The following XIRP2 variants were observed in gnomAD, a reference collection of about 807,000 sequenced individuals.
XIRP2 encodes xin actin binding repeat containing 2.
Under a neutral mutation model 277.0 loss-of-function variants are expected in XIRP2, and 236 were observed. That is an observed-to-expected ratio of 0.85 (90% CI 0.77 to 0.95). XIRP2 has a LOEUF of 0.95. Among genes scored for constraint, XIRP2 ranks in the 40% least tolerant of loss-of-function variants. XIRP2 has a pLI of 0.00. For missense variants in XIRP2, 4,640 were observed against 4,157.5 expected, an observed-to-expected ratio of 1.12 and a Z score of -3.19; for synonymous variants, 1,490 against 1,416.5, an observed-to-expected ratio of 1.05 and a Z score of -1.17.
chr2:167,032,335 C>T lies in XIRP2; in HGVS notation c.409-103574C>T, dbSNP rs371198706. On this transcript the variant is annotated intron_variant, in intron 2 of 10. Coordinates refer to ENST00000409195, the MANE Select transcript of XIRP2 (RefSeq NM_152381.6). ...AAAGACTTAAACATAAGACCTAAAA[C>T]CATAAAAACCCTAGAAGAAAACCTA... Among the ~76,000 whole-genome samples, 134 of 152,200 alleles carry T rather than the reference C, an allele frequency of 8.8e-4. 8 individuals carry two copies. The South Asian group carries it at 0.028, about 32-fold the overall frequency.
chr2:166,996,964 C>A (rs569327119), intron 2 of XIRP2, among the ~76,000 whole-genome samples: 111 of 152,228 alleles, frequency 7.3e-4, no homozygotes, highest in African/African-American at 2.6e-3. Flanking sequence ...AACATTTACA[C>A]CTTAATAAAG....
chr2:167,150,800 A>C (rs537814103), intron 3 of XIRP2, among the ~76,000 whole-genome samples: 1 of 152,208 alleles, frequency 6.6e-6, no homozygotes, highest in South Asian at 2.1e-4. Context: ...AGAATTGTTA[A>C]GCTGTAAAAA....
chr2:167,250,039 C>T lies in XIRP2; in HGVS notation c.8647C>T (p.His2883Tyr), dbSNP rs764084802. 1.9e-6 allele frequency: 3 copies of T among 1,613,484 alleles called. No individual in the cohort carries two copies. The highest frequency in any genetic ancestry group is 2.5e-6 in the Non-Finnish European group (3 of 1,179,674). ...ACAGACCGCTGAAAGTAAAGCTGAA[C>T]ATAAAAAATTGCCCCAGCCATATAA... ...QIQTAESKAEHKKLPQPYNSL... is the reference protein window; with the variant it reads ...QIQTAESKAEYKKLPQPYNSL... The change falls in exon 9 of 11, where the codon CAT becomes TAT. Residue 2883 changes from histidine (H) to tyrosine (Y), a missense_variant. Transcript: ENST00000409195.
At chr2:167,125,315 A>C (rs987119260) in intron 2 of XIRP2, among the ~76,000 whole-genome samples, 1 of 152,204 alleles carries the variant, frequency 6.6e-6, no homozygotes, top group Non-Finnish European at 1.5e-5. Context: ...TAGGATACGT[A>C]GCTGTAAAGG....
In XIRP2 at chr2:166,998,748, A is replaced by G. The variant is rs1036441812; in HGVS notation, c.408+94858A>G. On this transcript the variant is annotated intron_variant, in intron 2 of 10. Transcript: ENST00000409195. ...AGAAACTGCCAACTAACCTTTGACT[A>G]GTGACTTTCCACTTTAACCAATCAA... is the stretch of plus-strand genomic sequence containing the variant. Among the ~76,000 whole-genome samples the G allele has an allele frequency of 1.1e-4, 16 of 152,178 alleles. 1 individual carries two copies. The highest frequency in any genetic ancestry group is 3.9e-4 in the African/African-American group (16 of 41,440).
intron 3 of XIRP2, among the ~76,000 whole-genome samples, chr2:167,201,555 T>C (rs945410401): frequency 1.3e-5 from 2 of 152,174 alleles, no homozygotes; most frequent in Non-Finnish European, 2.9e-5. Context: ...TATTCCCTTC[T>C]CTGTTCAACT....
In XIRP2 at chr2:166,924,365, T is replaced by C. The variant is rs1685130590; in HGVS notation, c.408+20475T>C. Reference sequence around the variant, plus strand: ...TTAGCACTCTGTGATACTGAGACAATGTGTCCCTTTTGAGGTTTTGCCTTT... The same window carrying C: ...TTAGCACTCTGTGATACTGAGACAACGTGTCCCTTTTGAGGTTTTGCCTTT... On this transcript the variant is annotated intron_variant, in intron 2 of 10. Coordinates refer to ENST00000409195, the MANE Select transcript of XIRP2 (RefSeq NM_152381.6). Among the ~76,000 whole-genome samples, 4 of 152,162 alleles carry C rather than the reference T, an allele frequency of 2.6e-5. No homozygotes were observed. The East Asian group carries it at 5.8e-4, about 22-fold the overall frequency.
chr2:167,118,991 A>AGT (rs1182107532), intron 2 of XIRP2, among the ~76,000 whole-genome samples: 1 of 152,166 alleles, frequency 6.6e-6, no homozygotes, highest in African/African-American at 2.4e-5. Context: ...AAGAGCCTAG[A>AGT]GTGTTAAATG....
intron 3 of XIRP2, among the ~76,000 whole-genome samples, chr2:167,150,796 G>C (rs1324924293): frequency 6.6e-6 from 1 of 151,956 alleles, no homozygotes; most frequent in Non-Finnish European, 1.5e-5. Context: ...CTTAAGAATT[G>C]TTAAGCTGTA....
chr2:167,075,373 T>C (rs773213289), intron 2 of XIRP2, among the ~76,000 whole-genome samples: 21 of 152,190 alleles, frequency 1.4e-4, no homozygotes, highest in Non-Finnish European at 2.8e-4. Flanking sequence ...CAAAGGAAAA[T>C]GGGGTCGCCA....
At chr2:167,052,581 G>A (rs1037737855) in intron 2 of XIRP2, among the ~76,000 whole-genome samples, 7 of 151,964 alleles carry the variant, frequency 4.6e-5, no homozygotes, top group African/African-American at 1.4e-4. Context: ...TTCTTCCATC[G>A]ATCTACATAA....
chr2:167,247,530 A>G lies in XIRP2; in HGVS notation c.6138A>G (p.Leu2046=), dbSNP rs1559041870. Residue 2046 remains leucine (L), a synonymous_variant, in exon 9 of 11, where the codon CTA becomes CTG. Transcript: ENST00000409195. ...NDALEKSLRR[L]SNSHHKSNVL... ...CTCTGGAGAAAAGCCTTAGAAGACT[A>G]TCTAATTCACACCATAAATCTAATG... 1 of 1,613,770 alleles carries G rather than the reference A, an allele frequency of 6.2e-7. No homozygotes were observed. The highest frequency in any genetic ancestry group is 8.5e-7 in the Non-Finnish European group (1 of 1,179,766).
At chr2:166,982,863 T>G (rs984395892) in intron 2 of XIRP2, among the ~76,000 whole-genome samples, 6 of 152,162 alleles carry the variant, frequency 3.9e-5, no homozygotes, top group Admixed American at 1.3e-4. Context: ...CATGGTAGAT[T>G]TTTCTATTAG....
chr2:167,051,071 T>G (rs1338392808), intron 2 of XIRP2, among the ~76,000 whole-genome samples: 1 of 151,988 alleles, frequency 6.6e-6, no homozygotes, highest in Non-Finnish European at 1.5e-5. Context: ...GCTCACCCCT[T>G]TTGTAGCCAT....
In XIRP2 at chr2:167,059,005, G is replaced by GA. The variant is rs577493906; in HGVS notation, c.409-76897dup. On this transcript the variant is annotated intron_variant, in intron 2 of 10. Transcript: ENST00000409195. ...CAGAAAAAGATGGAAAGAATATTTA[G>GA]AAAAAAATAGTAACAGTAAATTCAT... Among the ~76,000 whole-genome samples, 37 of 147,036 alleles carry GA rather than the reference G, an allele frequency of 2.5e-4. No individual in the cohort carries two copies. In the South Asian group the frequency reaches 7.3e-3, roughly 29 times the overall value.
intron 2 of XIRP2, among the ~76,000 whole-genome samples, chr2:167,050,495 C>T (rs1688888508): frequency 1.3e-5 from 2 of 151,972 alleles, no homozygotes; most frequent in East Asian, 1.9e-4. Flanking sequence ...GGATTGCATT[C>T]CTGGGAAATC....
chr2:167,106,267 T>C (rs1690615366), intron 2 of XIRP2, among the ~76,000 whole-genome samples: 1 of 151,706 alleles, frequency 6.6e-6, no homozygotes, highest in African/African-American at 2.4e-5. Context: ...TTCTGAAGGA[T>C]TCTTATATGT....
chr2:166,936,895 G>C (rs186098596), intron 2 of XIRP2, among the ~76,000 whole-genome samples: 14 of 152,202 alleles, frequency 9.2e-5, no homozygotes, highest in South Asian at 2.1e-4. Context: ...TGGCAATGTG[G>C]GCCCTTTTTT....
At position 167,243,942 on chromosome 2, in the gene XIRP2, A is replaced by C; in HGVS notation, c.2550A>C (p.Leu850Phe). The C allele has an allele frequency of 6.2e-7, 1 of 1,614,030 alleles. No individual in the cohort carries two copies. Among genetic ancestry groups the C allele is most frequent in the Non-Finnish European group, 8.5e-7 (1 of 1,179,948 alleles). Residue 850 changes from leucine to phenylalanine, a missense_variant, in exon 9 of 11, where the codon TTA becomes TTC. By Grantham distance (22) the Leu-to-Phe change is conservative. Transcript: ENST00000409195. The stretch of plus-strand genomic sequence containing the variant: ...GTTGGATGTTTGAAACCCAGCCATT[A>C]GACATTCTAAAAGAAGTTCCTGATG... ...RKCWMFETQP[L>F]DILKEVPDAD...
Sources: gnomAD v4.1 joint callset for allele counts (sites outside exome capture counted in the v4.1 genomes callset) on GRCh38, gnomAD v4.1.1 for gene constraint, MANE v1.5 for transcripts, NCBI Gene and HGNC (gene_info 2026-07-23, HGNC 2026-07-21) for gene names.